The following TMX2 variants were observed in gnomAD, a reference collection of about 807,000 sequenced individuals.
TMX2 encodes the protein thioredoxin-related transmembrane protein 2.
In TMX2, 20 loss-of-function variants were observed where a neutral mutation model predicts 33.4. The observed-to-expected ratio is 0.60, with a 90% CI of 0.42 to 0.87. The LOEUF is 0.87. Ranked by LOEUF, TMX2 falls within the 40% of genes least tolerant of loss-of-function variation. TMX2 has a pLI of 0.00. For missense variants in TMX2, 340 were observed against 370.7 expected (o/e 0.92, Z 0.68); for synonymous variants, 166 against 140.7 (o/e 1.18, Z -1.27).
intron 1 of TMX2, among the ~76,000 whole-genome samples, chr11:57,714,566 GGCCTTAGGAAAAA>G (rs1426865472): frequency 1.3e-5 from 2 of 151,926 alleles, no homozygotes; most frequent in Non-Finnish European, 2.9e-5. Flanking sequence ...TAGCTGGTAA[GGCCTTAGGAAAAA>G]GGCAGGGTTT....
chr11:57,739,284 C>T (rs778005648), intron 7 of TMX2, 24 bp downstream of exon 7: 1 of 1,613,764 alleles, frequency 6.2e-7, no homozygotes, highest in Non-Finnish European at 8.5e-7. Context: ...AGGGCAGGTG[C>T]ATGAAGGGTG....
At chr11:57,717,263 C>T (rs913258398) in intron 1 of TMX2, among the ~76,000 whole-genome samples, 29 of 152,156 alleles carry the variant, frequency 1.9e-4, no homozygotes, top group Non-Finnish European at 2.6e-4. Flanking sequence ...AGACGATGGG[C>T]GGCCAGGCAG....
chr11:57,728,734 A>T (rs1948162094), intron 1 of TMX2, among the ~76,000 whole-genome samples: 2 of 151,484 alleles, frequency 1.3e-5, no homozygotes, highest in Admixed American at 6.6e-5. Flanking sequence ...TGTTGCTTTC[A>T]TAGAGACTGA....
At chr11:57,738,271 C>T in intron 3 of TMX2, 83 bp from the exon 4 acceptor site, 1 of 1,032,532 alleles carries the variant, frequency 9.7e-7, no homozygotes. Context: ...TATTTGGGGG[C>T]TGAAATCCTT....
Position 57,740,386 on chromosome 11 carries a change from A to C in TMX2, c.*141A>C. On this transcript the variant is annotated 3_prime_UTR_variant, in exon 8 of 8. Coordinates refer to ENST00000278422, the MANE Select transcript of TMX2 (RefSeq NM_015959.4). ...CAGCATGCAGCTTCTGATTTTAAAG[A>C]GGCATCTAGGGAATTGTCAGGCACC... 9.3e-7 allele frequency: 1 copy of C among 1,076,820 alleles called. No individual in the cohort carries two copies. The highest frequency in any genetic ancestry group is 1.3e-6 in the Non-Finnish European group (1 of 782,686). The allele number at this position is 1,076,820 out of a possible 1,614,324, so 66.7% of individuals were successfully genotyped here. A position where few individuals can be genotyped will look rare whatever the true frequency, so the allele number is the denominator to read the frequency against.
At chr11:57,721,059 T>A (rs938479529) in intron 1 of TMX2, among the ~76,000 whole-genome samples, 77 of 151,972 alleles carry the variant, frequency 5.1e-4, no homozygotes, top group Non-Finnish European at 8.8e-5. Context: ...CCTAGCACTT[T>A]GGGAGGCCAA....
intron 1 of TMX2, among the ~76,000 whole-genome samples, chr11:57,731,429 C>T (rs1176977614): frequency 7.2e-6 from 1 of 139,828 alleles, no homozygotes; most frequent in Non-Finnish European, 1.5e-5. Flanking sequence ...ACACCGCACC[C>T]AGCCTTTTTT....
intron 1 of TMX2, among the ~76,000 whole-genome samples, chr11:57,714,786 G>A (rs1294912280): frequency 6.6e-6 from 1 of 151,954 alleles, no homozygotes; most frequent in African/African-American, 2.4e-5. Context: ...TCAAGGTGGG[G>A]TCTCTTGATG....
chr11:57,732,244 G>A (rs1246697320), intron 1 of TMX2, among the ~76,000 whole-genome samples: 2 of 152,150 alleles, frequency 1.3e-5, no homozygotes, highest in East Asian at 1.9e-4. Flanking sequence ...GTGCCTATAA[G>A]CAACATCTGT....
Position 57,738,007 on chromosome 11 carries a change from T to G in TMX2, c.345T>G (p.Leu115=). 6.2e-7 allele frequency: 1 copy of G among 1,613,730 alleles called. No homozygotes were observed. The highest frequency in any genetic ancestry group is 8.5e-7 in the Non-Finnish European group (1 of 1,179,708). The change falls in exon 3 of 8, where the codon CTT becomes CTG. Residue 115 remains leucine, a synonymous_variant. Coordinates refer to ENST00000278422, the MANE Select transcript of TMX2 (RefSeq NM_015959.4). The part of the protein sequence containing the change: ...FFRLDIRMGL[L]YITLCIVFLM... The stretch of plus-strand genomic sequence containing the variant: ...GCTTGGATATTCGCATGGGCCTACT[T>G]TACATCACACTCTGCATAGGTGAGG...
chr11:57,718,665 T>TTG, intron 1 of TMX2: 1 of 331,162 alleles, frequency 3.0e-6, no homozygotes, highest in South Asian at 2.9e-5. Context: ...TTTTTTTTTT[T>TTG]TTTTTTTTGA....
At chr11:57,723,429 GC>G (rs1211911444) in intron 1 of TMX2, among the ~76,000 whole-genome samples, 2 of 150,732 alleles carry the variant, frequency 1.3e-5, no homozygotes, top group East Asian at 3.9e-4. Context: ...GTTGCAGTGA[GC>G]CGGGATTGTG....
Position 57,738,808 on chromosome 11 carries a change from T to G in TMX2, c.548+38T>G, listed in dbSNP as rs749601059. The G allele has an allele frequency of 6.3e-6, 10 of 1,579,896 alleles. 1 individual carries two copies. The highest frequency in any genetic ancestry group is 8.7e-6 in the Non-Finnish European group (10 of 1,148,998). ...AAGGGAGGGATGGTGGAAATGGAGA[T>G]GCTGTGCCTTCCCTCTCACTGTTTT... On this transcript the variant is annotated intron_variant, in intron 5 of 7. Coordinates refer to ENST00000278422, the MANE Select transcript of TMX2 (RefSeq NM_015959.4).
intron 1 of TMX2, among the ~76,000 whole-genome samples, chr11:57,721,418 G>A (rs71484461): frequency 0.25 from 37,033 of 146,730 alleles, 5,420 homozygotes; most frequent in Non-Finnish European, 0.33. Context: ...GCTCAGTCTC[G>A]GCTCACCACA....
In TMX2 at chr11:57,739,033, G is replaced by A; in HGVS notation, c.608G>A (p.Ser203Asn). 1 of 1,614,126 alleles carries A rather than the reference G, an allele frequency of 6.2e-7. No homozygotes were observed. Among genetic ancestry groups the A allele is most frequent in the South Asian group, 1.1e-5 (1 of 91,078 alleles). Residue 203 changes from serine (S) to asparagine (N), a missense_variant, in exon 6 of 8, where the codon AGT (serine) becomes AAT (asparagine). Around this residue, in one of 3 missense-constraint regions of TMX2, gnomAD observed 209 missense variants for 241.6 expected, o/e 0.87. Transcript: ENST00000278422. ...GATGTTGGACGCTATACTGATGTTA[G>A]TACGCGGTATGTAAAGACCTGGGCA... The part of the protein sequence containing the change: ...KVDVGRYTDV[S>N]TRYKVSTSPL...
At position 57,737,861 on chromosome 11, in the gene TMX2, G is replaced by A. The variant is rs746749563; in HGVS notation, c.251-52G>A. 2.5e-6 allele frequency: 4 copies of A among 1,614,126 alleles called. No individual in the cohort carries two copies. The South Asian group carries it at 4.4e-5, about 18-fold the overall frequency. On this transcript the variant is annotated intron_variant, in intron 2 of 7. Transcript: ENST00000278422. ...TGCCCCATGAAGAGGGACAAAGAAT[G>A]GGATATAGGAGTGCACAGCCCAGCC...
intron 1 of TMX2, among the ~76,000 whole-genome samples, chr11:57,731,117 T>C (rs1948361003): frequency 9.5e-6 from 1 of 105,322 alleles, no homozygotes; most frequent in Non-Finnish European, 1.9e-5. Context: ...TTCCGTTTTT[T>C]GTTTTTTGTT....
chr11:57,715,586 C>CTTTTTTTTTTTTTTT (rs367827761), intron 1 of TMX2, among the ~76,000 whole-genome samples: 124 of 130,058 alleles, frequency 9.5e-4, no homozygotes, highest in East Asian at 4.1e-3. Context: ...AATTTGTTTT[C>CTTTTTTTTTTTTTTT]TTTTTTTTTT....
chr11:57,737,522 G>A (rs547494286), intron 1 of TMX2, 86 bp from the exon 2 acceptor site: 304 of 1,157,750 alleles, frequency 2.6e-4, no homozygotes, highest in Middle Eastern at 7.3e-4. Context: ...ATCGCTATTG[G>A]TTTTTATTAC....
Sources: allele counts gnomAD v4.1 joint callset (sites outside exome capture counted in the v4.1 genomes callset), GRCh38; gene constraint gnomAD v4.1.1; regional missense constraint gnomAD v4.1.1; transcripts MANE v1.5; gene names NCBI Gene and HGNC (gene_info 2026-07-23, HGNC 2026-07-21).